TRPM3: variants seen among roughly 807,000 people sequenced by gnomAD.
TRPM3 encodes the protein transient receptor potential cation channel subfamily M member 3, also known as long transient receptor potential channel 3.
In TRPM3, 77 loss-of-function variants were observed where a neutral mutation model predicts 181.2. The observed-to-expected ratio is 0.42, with a 90% CI of 0.35 to 0.51. TRPM3 has a LOEUF of 0.51. TRPM3 is among the 20% of genes least tolerant of loss of function. TRPM3 has a pLI of 0.01. For synonymous variants in TRPM3, 745 were observed against 796.4 expected, an observed-to-expected ratio of 0.94 and a Z score of 1.09; for missense variants, 1,759 against 2,196.7, an observed-to-expected ratio of 0.80 and a Z score of 3.98.
chr9:71,316,658 T>TA (rs1401462511), intron 1 of TRPM3, among the ~76,000 whole-genome samples: 2 of 151,650 alleles, frequency 1.3e-5, no homozygotes, highest in Non-Finnish European at 2.9e-5. Context: ...CTGAAAAAGG[T>TA]AGAGAAATGG....
chr9:71,367,793 A>G (rs921678643), intron 1 of TRPM3, among the ~76,000 whole-genome samples: 3 of 152,164 alleles, frequency 2.0e-5, no homozygotes, highest in East Asian at 3.9e-4. Flanking sequence ...TCCATGGGAA[A>G]TTTACTACCT....
chr9:71,213,016 T>TA (rs2079605334), intron 1 of TRPM3, among the ~76,000 whole-genome samples: 1 of 152,124 alleles, frequency 6.6e-6, no homozygotes, highest in Non-Finnish European at 1.5e-5. Flanking sequence ...TTTAATCAGA[T>TA]ATATAAGAGC....
chr9:70,888,002 T>A (rs2132793369), intron 1 of TRPM3, among the ~76,000 whole-genome samples: 1 of 152,332 alleles, frequency 6.6e-6, no homozygotes, highest in South Asian at 2.1e-4. Flanking sequence ...CCAATGTCAC[T>A]TCTAATCTAT....
chr9:70,881,836 C>A (rs932755431), intron 1 of TRPM3, among the ~76,000 whole-genome samples: 3 of 152,136 alleles, frequency 2.0e-5, no homozygotes, highest in African/African-American at 7.2e-5. Flanking sequence ...TCTGTTGTTT[C>A]CTGAAATTAT....
intron 1 of TRPM3, among the ~76,000 whole-genome samples, chr9:71,145,780 C>T (rs2075370792): frequency 6.6e-6 from 1 of 151,996 alleles, no homozygotes; most frequent in African/African-American, 2.4e-5. Flanking sequence ...CTAAAATTGT[C>T]TTTTAACAAA....
At chr9:71,327,773 T>A (rs767356423) in intron 1 of TRPM3, among the ~76,000 whole-genome samples, 4 of 152,226 alleles carry the variant, frequency 2.6e-5, no homozygotes, top group Admixed American at 6.5e-5. Context: ...CTGTGCCTGC[T>A]AACATCTTCC....
chr9:71,031,175 AG>A (rs1470718388), intron 1 of TRPM3, among the ~76,000 whole-genome samples: 1 of 152,228 alleles, frequency 6.6e-6, no homozygotes, highest in Admixed American at 6.5e-5. Context: ...ACTTAATGAG[AG>A]TTTAGGAAAG....
intron 1 of TRPM3, among the ~76,000 whole-genome samples, chr9:71,024,767 T>A (rs182650951): frequency 2.0e-5 from 3 of 152,370 alleles, no homozygotes; most frequent in Non-Finnish European, 4.4e-5. Context: ...GCAGCTCATT[T>A]ATCAGAGATG....
intron 22 of TRPM3, among the ~76,000 whole-genome samples, chr9:70,575,167 A>G: frequency 6.8e-6 from 1 of 147,752 alleles, no homozygotes; most frequent in Non-Finnish European, 1.5e-5. Context: ...CTGGTCTTGA[A>G]CTCCTAGGAT....
intron 1 of TRPM3, among the ~76,000 whole-genome samples, chr9:71,309,361 G>C (rs1157849899): frequency 6.6e-6 from 1 of 152,128 alleles, no homozygotes; most frequent in African/African-American, 2.4e-5. Flanking sequence ...ATAGTAGCAT[G>C]TCTAATATTT....
intron 1 of TRPM3, among the ~76,000 whole-genome samples, chr9:70,867,941 A>G (rs2095687877): frequency 6.6e-6 from 1 of 152,082 alleles, no homozygotes; most frequent in African/African-American, 2.4e-5. Flanking sequence ...TTGCTTCAAC[A>G]TCCAACTCAG....
At chr9:70,649,535 TG>T (rs1190853583) in intron 9 of TRPM3, among the ~76,000 whole-genome samples, 1 of 152,008 alleles carries the variant, frequency 6.6e-6, no homozygotes, top group Non-Finnish European at 1.5e-5. Flanking sequence ...CCAATAATCA[TG>T]GGGAAAATGC....
chr9:71,031,975 T>TATATATATATATATATATATA (rs1173238056), intron 1 of TRPM3, among the ~76,000 whole-genome samples: 1 of 7,938 alleles, frequency 1.3e-4, no homozygotes, highest in Non-Finnish European at 1.6e-4. Context: ...ATATATATTA[T>TATATATATATATATATATATA]ATATATATAT....
intron 1 of TRPM3, among the ~76,000 whole-genome samples, chr9:70,915,960 G>T (rs1399397541): frequency 6.6e-6 from 1 of 151,978 alleles, no homozygotes; most frequent in East Asian, 1.9e-4. Flanking sequence ...AACTTCCAAA[G>T]GTAAAGGATA....
chr9:71,159,303 A>C (rs529087181), intron 1 of TRPM3, among the ~76,000 whole-genome samples: 123 of 152,136 alleles, frequency 8.1e-4, no homozygotes, highest in African/African-American at 2.8e-3. Flanking sequence ...ACAGTATTGA[A>C]CGCAATGATC....
chr9:71,132,940 A>G (rs1218530017), intron 1 of TRPM3, among the ~76,000 whole-genome samples: 1 of 152,304 alleles, frequency 6.6e-6, no homozygotes, highest in African/African-American at 2.4e-5. Flanking sequence ...TAATGCTATT[A>G]TGGATATATA....
Position 71,413,015 on chromosome 9 carries a change from G to A in TRPM3, c.183+33638C>T, listed in dbSNP as rs572458657. 9.2e-5 allele frequency among the ~76,000 whole-genome samples: 14 copies of A among 152,152 alleles called. 1 individual carries two copies. Among genetic ancestry groups the A allele is most frequent in the East Asian group, 7.7e-4 (4 of 5,172 alleles). ...TCACAAGGACAGAAAACCAAACACC[G>A]CATGTTCTCACTCATAGGTGGGAAT... On this transcript the variant is annotated intron_variant, in intron 1 of 24. Coordinates refer to the TRPM3 transcript ENST00000357533.
intron 7 of TRPM3, among the ~76,000 whole-genome samples, chr9:70,781,427 T>C (rs1192763578): frequency 1.3e-5 from 2 of 151,474 alleles, no homozygotes; most frequent in Non-Finnish European, 2.9e-5. Context: ...AGAATCCCCA[T>C]GACACGGGGT....
intron 7 of TRPM3, among the ~76,000 whole-genome samples, chr9:70,766,893 T>G (rs1405518386): frequency 2.0e-5 from 3 of 152,242 alleles, no homozygotes; most frequent in Non-Finnish European, 4.4e-5. Context: ...GATGTTCTAT[T>G]TTTCATATAT....
Sources: allele counts gnomAD v4.1 joint callset (sites outside exome capture counted in the v4.1 genomes callset), GRCh38; gene constraint gnomAD v4.1.1; transcripts MANE v1.5; gene names NCBI Gene and HGNC (gene_info 2026-07-23, HGNC 2026-07-21).